NEDD4L: variants seen among roughly 807,000 people sequenced by gnomAD.
NEDD4L encodes the protein E3 ubiquitin-protein ligase NEDD4-like.
Under a neutral mutation model 148.9 loss-of-function variants are expected in NEDD4L, and 54 were observed. The observed-to-expected ratio is 0.36, with a 90% CI of 0.29 to 0.45. The LOEUF (loss-of-function observed/expected upper bound fraction) is 0.45, where lower values mean the gene tolerates loss of function less well. Ranked by LOEUF, NEDD4L falls within the 20% of genes least tolerant of loss-of-function variation. The pLI is 1.00. For missense variants in NEDD4L, 856 were observed against 1,233.8 expected, an observed-to-expected ratio of 0.69 and a Z score of 4.59; for synonymous variants, 433 against 440.7, an observed-to-expected ratio of 0.98 and a Z score of 0.22.
At chr18:58,311,450 C>T (rs892432959) in intron 5 of NEDD4L, among the ~76,000 whole-genome samples, 5 of 152,160 alleles carry the variant, frequency 3.3e-5, no homozygotes, top group African/African-American at 1.2e-4. Context: ...CACCCTCAAC[C>T]CCCTGGGCTC....
intron 2 of NEDD4L, among the ~76,000 whole-genome samples, chr18:58,198,874 C>T (rs957479000): frequency 2.0e-5 from 3 of 152,050 alleles, no homozygotes; most frequent in Non-Finnish European, 4.4e-5. Flanking sequence ...GCGCAATCTC[C>T]GCTCACAGCA....
intron 1 of NEDD4L, among the ~76,000 whole-genome samples, chr18:58,076,846 C>T (rs543009028): frequency 6.4e-4 from 97 of 151,174 alleles, no homozygotes; most frequent in African/African-American, 2.2e-3. Flanking sequence ...TTTTAATATA[C>T]CTGCTTTTTT....
intron 1 of NEDD4L, among the ~76,000 whole-genome samples, chr18:58,069,331 C>T (rs950805629): frequency 2.0e-5 from 3 of 152,032 alleles, no homozygotes; most frequent in South Asian, 4.1e-4. Flanking sequence ...CTGAGCTCCA[C>T]CAGTGTTAGA....
At chr18:58,229,928 G>T (rs2148103978) in intron 2 of NEDD4L, among the ~76,000 whole-genome samples, 1 of 152,292 alleles carries the variant, frequency 6.6e-6, no homozygotes, top group African/African-American at 2.4e-5. Context: ...GGCGGAGGTT[G>T]CAGTGAGCCG....
In NEDD4L at chr18:58,256,575, G is replaced by C; in HGVS notation, c.297+4521G>C. On this transcript the variant is annotated intron_variant, in intron 5 of 30. Transcript: ENST00000400345. The surrounding 1 kb of genome is among the most constrained non-coding windows in gnomAD (Gnocchi z 5.2). ...CTGGAGGCATCGCCTCGAGCTGGCA[G>C]GATGGCTCCTGAAATCCGCAGGACG... The C allele has an allele frequency of 8.1e-7, 1 of 1,232,372 alleles. No homozygotes were observed. The highest frequency in any genetic ancestry group is 1.0e-6 in the Non-Finnish European group (1 of 988,126). 76.3% of individuals were successfully genotyped at this position (1,232,372 alleles called of 1,614,324 possible).
At chr18:58,274,434 C>T (rs1365377501) in intron 5 of NEDD4L, among the ~76,000 whole-genome samples, 1 of 152,166 alleles carries the variant, frequency 6.6e-6, no homozygotes, top group Admixed American at 6.5e-5. Context: ...GTTGTTTTCC[C>T]GGAAGCTGGA....
intron 5 of NEDD4L, among the ~76,000 whole-genome samples, chr18:58,272,545 C>A (rs112597937): frequency 2.0e-5 from 3 of 151,860 alleles, no homozygotes; most frequent in Non-Finnish European, 4.4e-5. Context: ...AGGAGGATCA[C>A]CTGAGCTTGG....
intron 1 of NEDD4L, among the ~76,000 whole-genome samples, chr18:58,122,784 G>A (rs1050769215): frequency 7.3e-5 from 11 of 151,452 alleles, no homozygotes; most frequent in Admixed American, 6.6e-4. Flanking sequence ...TGCCCAGACT[G>A]GAGTGCAATG....
At chr18:58,315,838 T>C in intron 5 of NEDD4L, 144 bp from the exon 6 acceptor site, 1 of 762,998 alleles carries the variant, frequency 1.3e-6, no homozygotes, top group South Asian at 1.4e-5. Context: ...GTGTGGTTAC[T>C]CGTGTCTCCT....
intron 5 of NEDD4L, among the ~76,000 whole-genome samples, chr18:58,260,432 C>A (rs2049211199): frequency 6.6e-6 from 1 of 152,200 alleles, no homozygotes. Flanking sequence ...ACATGGCTTG[C>A]AGCATAGCTC....
chr18:58,387,649 T>A, intron 27 of NEDD4L, 151 bp downstream of exon 27: 1 of 913,896 alleles, frequency 1.1e-6, no homozygotes, highest in Non-Finnish European at 1.5e-6. Context: ...AGGGCTTATT[T>A]GCCAATGTGG....
chr18:58,386,442 T>C (rs1312716865), intron 26 of NEDD4L, among the ~76,000 whole-genome samples: 1 of 152,210 alleles, frequency 6.6e-6, no homozygotes, highest in Non-Finnish European at 1.5e-5. Context: ...AAACACATTT[T>C]CTTAAGCTGA....
chr18:58,310,029 C>T (rs1019835503), intron 5 of NEDD4L, among the ~76,000 whole-genome samples: 8 of 152,116 alleles, frequency 5.3e-5, no homozygotes, highest in African/African-American at 9.7e-5. Flanking sequence ...CTCTCGCTCT[C>T]GCTCTCACTC....
rs188136392 is a variant in NEDD4L, at chr18:58,161,765, C to G, written c.49-4023C>G. The stretch of plus-strand genomic sequence containing the variant: ...TACTCCCTTCGTATGATTTTCCCTT[C>G]TTTATCTCCAGGATCTTCCCCATTT... On this transcript the variant is annotated intron_variant, in intron 1 of 30. Coordinates refer to ENST00000400345, the MANE Select transcript of NEDD4L (RefSeq NM_001144967.3). Among the ~76,000 whole-genome samples the G allele has an allele frequency of 2.9e-3, 442 of 152,188 alleles. 3 individuals carry two copies. Among genetic ancestry groups the G allele is most frequent in the African/African-American group, 0.01 (423 of 41,528 alleles).
chr18:58,072,864 G>GCA (rs1487546005), intron 1 of NEDD4L, among the ~76,000 whole-genome samples: 6 of 110,712 alleles, frequency 5.4e-5, no homozygotes, highest in Non-Finnish European at 8.2e-5. Flanking sequence ...TAAGGCGCGC[G>GCA]CGCGCGCGCA....
intron 5 of NEDD4L, among the ~76,000 whole-genome samples, chr18:58,260,506 GT>G (rs1379500452): frequency 6.6e-6 from 1 of 152,198 alleles, no homozygotes; most frequent in African/African-American, 2.4e-5. Flanking sequence ...ATGTATGGCT[GT>G]CCCATTGTGG....
At chr18:58,083,048 A>C (rs2083553274) in intron 1 of NEDD4L, among the ~76,000 whole-genome samples, 1 of 152,146 alleles carries the variant, frequency 6.6e-6, no homozygotes, top group African/African-American at 2.4e-5. Flanking sequence ...AGGAATCTTA[A>C]CAGGTTAAGA....
chr18:58,331,309 G>A (rs2059769493), intron 11 of NEDD4L, among the ~76,000 whole-genome samples: 2 of 152,174 alleles, frequency 1.3e-5, no homozygotes, highest in East Asian at 1.9e-4. Context: ...AAGCCATCAG[G>A]CCTAATCAGT....
intron 5 of NEDD4L, among the ~76,000 whole-genome samples, chr18:58,311,016 T>G (rs1289060918): frequency 7.8e-6 from 1 of 128,072 alleles, no homozygotes; most frequent in African/African-American, 2.8e-5. Flanking sequence ...CTCTAAACCT[T>G]TTTTTTTTTG....
Sources: allele counts gnomAD v4.1 joint callset (sites outside exome capture counted in the v4.1 genomes callset), GRCh38; gene constraint gnomAD v4.1.1; non-coding constraint Gnocchi (gnomAD v3.1); transcripts MANE v1.5; gene names NCBI Gene and HGNC (gene_info 2026-07-23, HGNC 2026-07-21).